The following WWC2 variants were observed in gnomAD, a reference collection of about 807,000 sequenced individuals.
The protein encoded by WWC2 is protein WWC2.
In WWC2, 101 loss-of-function variants were observed where a neutral mutation model predicts 138.5. That is an observed-to-expected ratio of 0.73 (90% confidence interval 0.62 to 0.86). The LOEUF (loss-of-function observed/expected upper bound fraction) is 0.86. WWC2 is among the 40% of genes least tolerant of loss of function. The pLI, the probability that WWC2 is intolerant of heterozygous loss-of-function variation, is 0.00. For synonymous variants in WWC2, 558 were observed against 538.4 expected (o/e 1.04, Z -0.50); for missense variants, 1,420 against 1,419.4 (o/e 1.00, Z -0.01).
intron 1 of WWC2, among the ~76,000 whole-genome samples, chr4:183,122,951 A>G (rs1732647461): frequency 6.6e-6 from 1 of 152,232 alleles, no homozygotes; most frequent in Non-Finnish European, 1.5e-5. Context: ...AGAGAAATGC[A>G]GAGTTAAACT....
chr4:183,219,635 AC>A (rs1735864778), intron 4 of WWC2, among the ~76,000 whole-genome samples: 1 of 152,238 alleles, frequency 6.6e-6, no homozygotes, highest in South Asian at 2.1e-4. Context: ...ATGGGGGAGA[AC>A]GGAAGGATGC....
At chr4:183,208,444 C>G (rs979361336) in intron 3 of WWC2, among the ~76,000 whole-genome samples, 3 of 152,158 alleles carry the variant, frequency 2.0e-5, no homozygotes. Flanking sequence ...CAGAACAGTG[C>G]AAGTAGTTTG....
chr4:183,164,411 A>ACGTATATATTATATATATT (rs77423776), intron 1 of WWC2, among the ~76,000 whole-genome samples: 11 of 864 alleles, frequency 0.013, no homozygotes, highest in African/African-American at 0.022. Flanking sequence ...TATTATATAT[A>ACGTATATATTATATATATT]ATATATATAT....
intron 7 of WWC2, among the ~76,000 whole-genome samples, chr4:183,249,161 TAG>T (rs1300696392): frequency 6.6e-6 from 1 of 152,186 alleles, no homozygotes; most frequent in Non-Finnish European, 1.5e-5. Context: ...CTATTACGTT[TAG>T]AGTCTTGGAA....
intron 1 of WWC2, among the ~76,000 whole-genome samples, chr4:183,166,652 A>G (rs1395388610): frequency 6.6e-6 from 1 of 152,202 alleles, no homozygotes; most frequent in African/African-American, 2.4e-5. Flanking sequence ...AAATTAATTC[A>G]ACCAATATTT....
Position 183,258,168 on chromosome 4 carries a change from A to T in WWC2, c.1197-1471A>T, listed in dbSNP as rs142782475. The stretch of plus-strand genomic sequence containing the variant: ...CGAAGTGTTTCTCTTGTTTCAGAAG[A>T]CATGGATTTTAGTAGAGTTTGGGGC... On this transcript the variant is annotated intron_variant, in intron 9 of 22. Transcript: ENST00000403733. Among the ~76,000 whole-genome samples the T allele has an allele frequency of 5.1e-3, 770 of 152,334 alleles. 12 individuals are homozygous for T. The highest frequency in any genetic ancestry group is 0.017 in the African/African-American group (720 of 41,568).
chr4:183,213,721 G>A (rs979314079), intron 4 of WWC2, among the ~76,000 whole-genome samples: 14 of 152,064 alleles, frequency 9.2e-5, no homozygotes, highest in African/African-American at 3.4e-4. Context: ...GAATGCATTA[G>A]TGCTTTTTAT....
chr4:183,133,737 T>C (rs371385093), intron 1 of WWC2, among the ~76,000 whole-genome samples: 38 of 152,256 alleles, frequency 2.5e-4, no homozygotes, highest in African/African-American at 6.7e-4. Flanking sequence ...CCTCGTGATC[T>C]GCCCACCTTG....
Position 183,188,691 on chromosome 4 carries a change from C to CTGGAGTGCAA in WWC2, c.132-4904_132-4895dup, listed in dbSNP as rs542374326. 4.7e-4 allele frequency among the ~76,000 whole-genome samples: 62 copies of CTGGAGTGCAA among 133,290 alleles called. 1 individual carries two copies. In the East Asian group the frequency reaches 9.5e-3, roughly 20 times the overall value. The allele number at this position is 133,290 out of a possible 152,430, so 87.4% of individuals were successfully genotyped here. A position where few individuals can be genotyped will look rare whatever the true frequency, so the allele number is the denominator to read the frequency against. Reference sequence around the variant, plus strand: ...ACGAAGTCTCGCTCTTGTCCCCAGGCTGGAGTGCAATGGCCCGATCTTCAC... The same window carrying CTGGAGTGCAA: ...ACGAAGTCTCGCTCTTGTCCCCAGGCTGGAGTGCAATGGAGTGCAATGGCCCGATCTTCAC... On this transcript the variant is annotated intron_variant, in intron 1 of 22. Transcript: ENST00000403733.
intron 10 of WWC2, 106 bp from the exon 11 acceptor site, chr4:183,260,804 C>G: frequency 7.0e-7 from 1 of 1,425,264 alleles, no homozygotes; most frequent in Non-Finnish European, 9.4e-7. Flanking sequence ...TGATTCCATT[C>G]TTTAGCAGGT....
chr4:183,239,116 A>G (rs373285828), intron 4 of WWC2, among the ~76,000 whole-genome samples: 1 of 152,128 alleles, frequency 6.6e-6, no homozygotes, highest in East Asian at 1.9e-4. Context: ...GGAGTTCGAG[A>G]CCAGCCTGGG....
At chr4:183,131,705 A>G (rs1306307960) in intron 1 of WWC2, among the ~76,000 whole-genome samples, 1 of 152,110 alleles carries the variant, frequency 6.6e-6, no homozygotes, top group Non-Finnish European at 1.5e-5. Context: ...AGATTTGTCC[A>G]TCTTCTTTCT....
intron 5 of WWC2, 116 bp from the exon 6 acceptor site, chr4:183,245,300 C>G: frequency 1.4e-6 from 1 of 727,576 alleles, no homozygotes; most frequent in East Asian, 5.0e-5. Context: ...TGGTATATGA[C>G]AGTCAGCAGT....
chr4:183,208,899 C>T (rs1560843905), intron 3 of WWC2, 50 bp from the exon 4 acceptor site: 2 of 1,274,178 alleles, frequency 1.6e-6, no homozygotes, highest in African/African-American at 3.0e-5. Context: ...AAGCTGAGAA[C>T]TAGTTATGCA....
intron 1 of WWC2, among the ~76,000 whole-genome samples, chr4:183,164,273 TA>T (rs1561443516): frequency 4.4e-3 from 2 of 458 alleles, no homozygotes; most frequent in Admixed American, 0.071. Flanking sequence ...CGCATATATA[TA>T]TATATATATA....
At chr4:183,133,913 A>T (rs1014338541) in intron 1 of WWC2, among the ~76,000 whole-genome samples, 5 of 152,142 alleles carry the variant, frequency 3.3e-5, no homozygotes, top group African/African-American at 1.2e-4. Context: ...TTATTTCTTG[A>T]CTGGTTGAAC....
At position 183,228,927 on chromosome 4, in the gene WWC2, GCA is replaced by G. The variant is rs533567171; in HGVS notation, c.523-11253_523-11252del. 1.1e-4 allele frequency among the ~76,000 whole-genome samples: 16 copies of G among 152,252 alleles called. No individual in the cohort carries two copies. The South Asian group carries it at 3.1e-3, about 30-fold the overall frequency. On this transcript the variant is annotated intron_variant, in intron 4 of 22. Coordinates refer to ENST00000403733, the MANE Select transcript of WWC2 (RefSeq NM_024949.6). ...TCAACGTACACAACTGCATGCAGCA[GCA>G]CAGTGTTGAGTGGGTGAAGCTAGAC...
intron 1 of WWC2, among the ~76,000 whole-genome samples, chr4:183,122,773 C>T (rs1732640975): frequency 6.6e-6 from 1 of 152,070 alleles, no homozygotes; most frequent in African/African-American, 2.4e-5. Context: ...CCCAACTTGG[C>T]CCCCCAAAGT....
intron 5 of WWC2, among the ~76,000 whole-genome samples, chr4:183,241,908 T>C (rs1183737695): frequency 6.6e-6 from 1 of 152,264 alleles, no homozygotes; most frequent in East Asian, 1.9e-4. Flanking sequence ...CCAAACTTGC[T>C]GTCTTTGTTA....
Sources: gnomAD v4.1 joint callset for allele counts (sites outside exome capture counted in the v4.1 genomes callset) on GRCh38, gnomAD v4.1.1 for gene constraint, MANE v1.5 for transcripts, NCBI Gene and HGNC (gene_info 2026-07-23, HGNC 2026-07-21) for gene names.